The following CCNI2 variants were observed in gnomAD, a reference collection of about 807,000 sequenced individuals.
The protein encoded by CCNI2 is cyclin-I2.
A neutral mutation model predicts 33.2 loss-of-function variants in CCNI2; 32 were observed. The observed-to-expected ratio is 0.96, with a 90% CI of 0.73 to 1.30. CCNI2 has a LOEUF of 1.30. Among genes scored for constraint, CCNI2 ranks in the 50% most tolerant of loss-of-function variants. CCNI2 has a pLI of 0.00. For synonymous variants in CCNI2, 231 were observed against 219.9 expected (o/e 1.05, Z -0.45); for missense variants, 452 against 486.2 (o/e 0.93, Z 0.66).
intron 4 of CCNI2, 60 bp downstream of exon 4, chr5:132,751,057 G>A (rs1754804776): frequency 1.9e-6 from 3 of 1,586,660 alleles, no homozygotes; most frequent in African/African-American, 2.7e-5. Context: ...TGGAACAGCT[G>A]TTTACAACAT....
Position 132,748,230 on chromosome 5 carries a change from G to A in CCNI2, c.430-117G>A, listed in dbSNP as rs1205903458. ...CGCTTACTCCCAGCGGGCATGCAGA[G>A]GAAGGGACTTCTCACTGCCCCACCC... On this transcript the variant is annotated intron_variant, in intron 1 of 5. Coordinates refer to ENST00000378731, the MANE Select transcript of CCNI2 (RefSeq NM_001039780.4). 2.8e-6 allele frequency: 4 copies of A among 1,404,184 alleles called. No individual in the cohort carries two copies. The African/African-American group carries it at 4.3e-5, about 15-fold the overall frequency. 87.0% of individuals were successfully genotyped at this position (1,404,184 alleles called of 1,614,324 possible).
chr5:132,751,764 TTTG>T, intron 4 of CCNI2, 199 bp from the exon 5 acceptor site: 1 of 616,944 alleles, frequency 1.6e-6, no homozygotes, highest in Non-Finnish European at 2.8e-6. Flanking sequence ...TTTTTTTTTT[TTTG>T]GTCCCGGAGT....
intron 2 of CCNI2, 81 bp from the exon 3 acceptor site, chr5:132,749,267 T>C: frequency 8.3e-7 from 1 of 1,206,966 alleles, no homozygotes; most frequent in Non-Finnish European, 1.2e-6. Context: ...AAAAAGTGTA[T>C]AAAAGAAAAC....
In CCNI2 at chr5:132,752,044, TCC is replaced by T; in HGVS notation, c.855_856del (p.Leu286AspfsTer43). The T allele has an allele frequency of 1.2e-6, 2 of 1,611,206 alleles. No homozygotes were observed. The highest frequency in any genetic ancestry group is 1.7e-6 in the Non-Finnish European group (2 of 1,178,876). On this transcript the variant is annotated frameshift_variant, in exon 5 of 6. Transcript: ENST00000378731. LOFTEE classifies it high-confidence loss of function. ...PQRNPSLHVA[S>X]LTRQLQHCMA... ...GAGGAATCCTTCCCTCCACGTCGCA[TCC>T]CTGACCAGGCAGCTGCAGCACTGTA...
chr5:132,752,391 C>G (rs559850801), intron 5 of CCNI2, among the ~76,000 whole-genome samples, 195 bp downstream of exon 5: 2 of 152,254 alleles, frequency 1.3e-5, no homozygotes, highest in South Asian at 4.2e-4. Flanking sequence ...GACATGTGTT[C>G]CCTTCACTGG....
At position 132,753,092 on chromosome 5, in the gene CCNI2, C is replaced by T; in HGVS notation, c.*122C>T. 1 of 793,598 alleles carries T rather than the reference C, an allele frequency of 1.3e-6. No individual in the cohort carries two copies. Among genetic ancestry groups the T allele is most frequent in the Non-Finnish European group, 2.0e-6 (1 of 494,136 alleles). 49.2% of individuals were successfully genotyped at this position (793,598 alleles called of 1,614,324 possible). A position where few individuals can be genotyped will look rare whatever the true frequency, so the allele number is the denominator to read the frequency against. Reference sequence around the variant, plus strand: ...AGGGAAGGTGGCTCTGGAAGAGCAACTGAGAAAAAGTTCCCAACTGAGCCC... The same window carrying T: ...AGGGAAGGTGGCTCTGGAAGAGCAATTGAGAAAAAGTTCCCAACTGAGCCC... On this transcript the variant is annotated 3_prime_UTR_variant, in exon 6 of 6. Coordinates refer to ENST00000378731, the MANE Select transcript of CCNI2 (RefSeq NM_001039780.4).
Position 132,747,692 on chromosome 5 carries a change from C to G in CCNI2, c.197C>G (p.Ser66Cys). 1.3e-6 allele frequency: 2 copies of G among 1,498,486 alleles called. No homozygotes were observed. Among genetic ancestry groups the G allele is most frequent in the East Asian group, 2.8e-5 (1 of 35,984 alleles). 92.8% of individuals were successfully genotyped at this position (1,498,486 alleles called of 1,614,324 possible). A position where few individuals can be genotyped will look rare whatever the true frequency, so the allele number is the denominator to read the frequency against. Residue 66 changes from serine (S) to cysteine (C), a missense_variant, in exon 1 of 6, where the codon TCC (serine) becomes TGC (cysteine). Coordinates refer to ENST00000378731, the MANE Select transcript of CCNI2 (RefSeq NM_001039780.4). The surrounding 1 kb of genome is among the most constrained non-coding windows in gnomAD (Gnocchi z 4.1). ...GGGACCCGCCAGCCCGGAGCGGCCT[C>G]CCTCCACGCGGCGTCCGCAGCAGTC... ...CPGTRQPGAA[S>C]LHAASAAVPV...
At chr5:132,748,847 C>T (rs1754684831) in intron 2 of CCNI2, among the ~76,000 whole-genome samples, 1 of 152,166 alleles carries the variant, frequency 6.6e-6, no homozygotes, top group African/African-American at 2.4e-5. Flanking sequence ...GGAATACTGC[C>T]CAGTCATCTG....
intron 5 of CCNI2, 65 bp from the exon 6 acceptor site, chr5:132,752,801 C>A: frequency 7.0e-7 from 1 of 1,420,814 alleles, no homozygotes; most frequent in Non-Finnish European, 9.9e-7. Context: ...TTTTGGCACT[C>A]AATTGCCAAT....
Position 132,753,022 on chromosome 5 carries a change from C to A in CCNI2, c.*52C>A. 2.2e-6 allele frequency: 3 copies of A among 1,384,214 alleles called. No individual in the cohort carries two copies. The highest frequency in any genetic ancestry group is 2.1e-6 in the Non-Finnish European group (2 of 972,980). 85.7% of individuals were successfully genotyped at this position (1,384,214 alleles called of 1,614,324 possible). ...CAGAGCATAGTGTGAAACCTCCTTG[C>A]TTGGACTACCATGAGTTCTTTGGCT... On this transcript the variant is annotated 3_prime_UTR_variant, in exon 6 of 6. Coordinates refer to ENST00000378731, the MANE Select transcript of CCNI2 (RefSeq NM_001039780.4).
chr5:132,755,511 A>G (rs1327677527), downstream of CCNI2, among the ~76,000 whole-genome samples: 3 of 152,122 alleles, frequency 2.0e-5, no homozygotes, highest in Non-Finnish European at 4.4e-5. Flanking sequence ...GTTACTTGCC[A>G]TGTAACCTTG....
At chr5:132,754,616 A>G (rs1755169136), downstream of CCNI2, 1 of 664,450 alleles carries the variant, frequency 1.5e-6, no homozygotes, top group Admixed American at 2.4e-5. Context: ...ACTCTTCTAT[A>G]GGGAAGCTCA....
chr5:132,748,353 A>G lies in CCNI2; in HGVS notation c.436A>G (p.Ile146Val). 1 of 1,614,100 alleles carries G rather than the reference A, an allele frequency of 6.2e-7. No individual in the cohort carries two copies. The highest frequency in any genetic ancestry group is 8.5e-7 in the Non-Finnish European group (1 of 1,180,008). Residue 146 changes from isoleucine to valine, a missense_variant, in exon 2 of 6, where the codon ATC becomes GTC. By Grantham distance (29) the Ile-to-Val change is conservative. Transcript: ENST00000378731. ...CTGCTCTTCTTCCTAGCAGGATGAAATCTGCGACGCCTTCGAGGAAGTCGT... is the reference window on the plus strand; with the variant it reads ...CTGCTCTTCTTCCTAGCAGGATGAAGTCTGCGACGCCTTCGAGGAAGTCGT... Reference protein sequence around the residue: ...LWRGGKPQDEICDAFEEVVLW... With the variant: ...LWRGGKPQDEVCDAFEEVVLW...
In CCNI2 at chr5:132,754,295, G is replaced by C; in HGVS notation, c.*1325G>C. On this transcript the variant is annotated 3_prime_UTR_variant, in exon 6 of 6. Coordinates refer to ENST00000378731, the MANE Select transcript of CCNI2 (RefSeq NM_001039780.4). ...CAGAACCCATTTTACAGATGGAGATGCTGAGGCCATGCTGCTCACAGCTTC... is the reference window on the plus strand; with the variant it reads ...CAGAACCCATTTTACAGATGGAGATCCTGAGGCCATGCTGCTCACAGCTTC... The C allele has an allele frequency of 1.5e-6, 1 of 664,044 alleles. No homozygotes were observed. The highest frequency in any genetic ancestry group is 1.7e-5 in the South Asian group (1 of 57,366). The allele number at this position is 664,044 out of a possible 1,614,324, so 41.1% of individuals were successfully genotyped here. A position where few individuals can be genotyped will look rare whatever the true frequency, so the allele number is the denominator to read the frequency against.
Position 132,747,947 on chromosome 5 carries a change from C to T in CCNI2, c.429+23C>T, listed in dbSNP as rs570401567. On this transcript the variant is annotated intron_variant, in intron 1 of 5. Transcript: ENST00000378731. The surrounding 1 kb of genome is among the most constrained non-coding windows in gnomAD (Gnocchi z 4.1). ...CAGGTACCCGTCGCTGCCGCGTGGC[C>T]CTCCTCGCGCGTGCACGGCAGGCGG... is the stretch of plus-strand genomic sequence containing the variant. 1.5e-6 allele frequency: 2 copies of T among 1,363,824 alleles called. No individual in the cohort carries two copies. The highest frequency in any genetic ancestry group is 1.7e-5 in the South Asian group (1 of 57,238). The allele number at this position is 1,363,824 out of a possible 1,614,324, so 84.5% of individuals were successfully genotyped here. A position where few individuals can be genotyped will look rare whatever the true frequency, so the allele number is the denominator to read the frequency against.
chr5:132,755,386 TTAACAC>T (rs1203439013), downstream of CCNI2, among the ~76,000 whole-genome samples: 1 of 152,148 alleles, frequency 6.6e-6, no homozygotes, highest in Non-Finnish European at 1.5e-5. Context: ...GCTGTGTACT[TTAACAC>T]TAGCCACACT....
chr5:132,753,294 A>G lies in CCNI2; in HGVS notation c.*324A>G. On this transcript the variant is annotated 3_prime_UTR_variant, in exon 6 of 6. Coordinates refer to ENST00000378731, the MANE Select transcript of CCNI2 (RefSeq NM_001039780.4). ...CCTTCCTTCTCCAGCAAGGGTTGGC[A>G]TTGGCCCCTGGGAGCGCTGGAATAT... is the stretch of plus-strand genomic sequence containing the variant. 1 of 304,606 alleles carries G rather than the reference A, an allele frequency of 3.3e-6. No individual in the cohort carries two copies. The highest frequency in any genetic ancestry group is 6.3e-6 in the Non-Finnish European group (1 of 158,272). 18.9% of individuals were successfully genotyped at this position (304,606 alleles called of 1,614,324 possible).
At chr5:132,755,313 C>T (rs1210899474), downstream of CCNI2, among the ~76,000 whole-genome samples, 1 of 152,200 alleles carries the variant, frequency 6.6e-6, no homozygotes, top group Non-Finnish European at 1.5e-5. Context: ...GCCACTTTTG[C>T]CTGTCCCCTA....
Position 132,750,888 on chromosome 5 carries a change from A to G in CCNI2, c.665A>G (p.His222Arg), listed in dbSNP as rs1438061308. The part of the protein sequence containing the change: ...FIPQVKDFTK[H>R]YGSDYSPNEL... The stretch of plus-strand genomic sequence containing the variant: ...CCACAAGTAAAAGACTTCACAAAGC[A>G]CTATGGCTCTGACTATTCCCCGAAT... Residue 222 changes from histidine to arginine, a missense_variant, in exon 4 of 6, where the codon CAC becomes CGC. Physicochemically the swap from His to Arg is conservative, Grantham distance 29. Coordinates refer to ENST00000378731, the MANE Select transcript of CCNI2 (RefSeq NM_001039780.4). The G allele has an allele frequency of 4.3e-6, 7 of 1,614,132 alleles. No homozygotes were observed. In the African/African-American group the frequency reaches 9.3e-5, roughly 22 times the overall value.
Sources: allele counts gnomAD v4.1 joint callset (sites outside exome capture counted in the v4.1 genomes callset), GRCh38; gene constraint gnomAD v4.1.1; non-coding constraint Gnocchi (gnomAD v3.1); transcripts MANE v1.5; gene names NCBI Gene and HGNC (gene_info 2026-07-23, HGNC 2026-07-21).